Variants in PLA2R1 observed in about 807,000 individuals in gnomAD.
The protein encoded by PLA2R1 is phospholipase A2 receptor 1, also known as secretory phospholipase A2 receptor.
In PLA2R1, 158 loss-of-function variants were observed where a neutral mutation model predicts 195.9. The observed-to-expected ratio is 0.81, with a 90% CI of 0.71 to 0.92. The LOEUF is 0.92. Ranked by LOEUF, PLA2R1 falls within the 40% of genes least tolerant of loss-of-function variation. The pLI, the probability that PLA2R1 is intolerant of heterozygous loss-of-function variation, is 0.00. For missense variants in PLA2R1, 1,626 were observed against 1,764.6 expected (o/e 0.92, Z 1.41); for synonymous variants, 586 against 598.2 (o/e 0.98, Z 0.30).
the PLA2R1 span, among the ~76,000 whole-genome samples, chr2:159,925,298 G>C: frequency 6.6e-6 from 1 of 152,150 alleles, no homozygotes; most frequent in Non-Finnish European, 1.5e-5. Context: ...CTCCATTGTA[G>C]GGGTGCGTAT....
rs756653913 is a variant in PLA2R1 at position 159,976,102 on chromosome 2, T to C, written c.2561A>G (p.His854Arg). ...HSDLLTIHSA[H>R]EQEFIHSKIK... ...TTTGCTGTGGATGAATTCTTGCTCATGTGCAGAATGAATTGTGAGAAGATC... is the reference window on the plus strand; with the variant it reads ...TTTGCTGTGGATGAATTCTTGCTCACGTGCAGAATGAATTGTGAGAAGATC... The change falls in exon 17 of 30, where the codon CAT becomes CGT. Residue 854 changes from histidine to arginine, a missense_variant. Transcript: ENST00000283243. The C allele has an allele frequency of 4.3e-6, 7 of 1,612,916 alleles. No homozygotes were observed. In the East Asian group the frequency reaches 1.1e-4, roughly 26 times the overall value.
At chr2:159,930,833 G>C (rs1686570461), downstream of PLA2R1, among the ~76,000 whole-genome samples, 1 of 152,188 alleles carries the variant, frequency 6.6e-6, no homozygotes, top group African/African-American at 2.4e-5. Flanking sequence ...CTCTGAGCCT[G>C]CTTCCATAGG....
At chr2:159,952,555 A>T (rs1687810243) in intron 23 of PLA2R1, among the ~76,000 whole-genome samples, 1 of 152,204 alleles carries the variant, frequency 6.6e-6, no homozygotes, top group South Asian at 2.1e-4. Flanking sequence ...GGAAAGAAGC[A>T]TGTGAGGTGT....
the PLA2R1 span, among the ~76,000 whole-genome samples, chr2:159,924,818 G>A: frequency 6.6e-6 from 1 of 151,876 alleles, no homozygotes; most frequent in Non-Finnish European, 1.5e-5. Context: ...TTCGCTCCCA[G>A]GAAAAATCTG....
intron 17 of PLA2R1, 21 bp from the exon 18 acceptor site, chr2:159,970,233 A>C: frequency 6.3e-7 from 1 of 1,575,196 alleles, no homozygotes; most frequent in Non-Finnish European, 8.7e-7. Flanking sequence ...AAAAAAAGTC[A>C]GCATTTATTC....
At chr2:159,986,269 G>A (rs1690327717) in intron 12 of PLA2R1, among the ~76,000 whole-genome samples, 1 of 152,104 alleles carries the variant, frequency 6.6e-6, no homozygotes, top group African/African-American at 2.4e-5. Context: ...TGAATTTTCA[G>A]ATTTGGGATG....
At chr2:159,994,203 T>A (rs1691048005) in intron 11 of PLA2R1, among the ~76,000 whole-genome samples, 2 of 151,412 alleles carry the variant, frequency 1.3e-5, no homozygotes, top group South Asian at 2.1e-4. Context: ...AAAATAAAAA[T>A]GCGTATTTTA....
chr2:160,056,771 T>C (rs1695574514), intron 1 of PLA2R1, among the ~76,000 whole-genome samples: 1 of 152,176 alleles, frequency 6.6e-6, no homozygotes, highest in Non-Finnish European at 1.5e-5. Flanking sequence ...AGACTGAACA[T>C]GGCACTTCTA....
intron 25 of PLA2R1, among the ~76,000 whole-genome samples, chr2:159,949,150 G>A (rs578082201): frequency 6.6e-6 from 1 of 152,176 alleles, no homozygotes; most frequent in Non-Finnish European, 1.5e-5. Context: ...CATGCTTGAA[G>A]CCCATGTTTC....
chr2:159,976,075 A>T lies in PLA2R1; in HGVS notation c.2588T>A (p.Ile863Lys), dbSNP rs756726561. The T allele has an allele frequency of 6.2e-7, 1 of 1,610,906 alleles. No homozygotes were observed. Among genetic ancestry groups the T allele is most frequent in the Admixed American group, 1.7e-5 (1 of 59,772 alleles). ...AHEQEFIHSK[I>K]KALSKYGASW... Reference sequence around the variant, plus strand: ...TGAGTTATGTTCAAGTACCGCTTTTATTTTGCTGTGGATGAATTCTTGCTC... The same window carrying T: ...TGAGTTATGTTCAAGTACCGCTTTTTTTTTGCTGTGGATGAATTCTTGCTC... The change falls in exon 17 of 30, where the codon ATA becomes AAA. Residue 863 changes from isoleucine to lysine, a missense_variant. Transcript: ENST00000283243.
At chr2:160,013,707 C>CTGTGTGTGTG (rs1162685609) in intron 9 of PLA2R1, among the ~76,000 whole-genome samples, 1 of 46,028 alleles carries the variant, frequency 2.2e-5, no homozygotes, top group African/African-American at 6.1e-5. Context: ...CTCTCTGTCT[C>CTGTGTGTGTG]TCTCTCTCTC....
chr2:160,048,448 A>T (rs904800487), intron 1 of PLA2R1, among the ~76,000 whole-genome samples: 1 of 152,254 alleles, frequency 6.6e-6, no homozygotes, highest in African/African-American at 2.4e-5. Flanking sequence ...CCATTAAGTT[A>T]TAATAGAATA....
chr2:160,020,572 C>T (rs2715935), intron 7 of PLA2R1, among the ~76,000 whole-genome samples: 110,134 of 151,886 alleles, frequency 0.73, 40,391 homozygotes, highest in East Asian at 0.87. Context: ...GATTAATGGG[C>T]TAATGGATTA....
chr2:160,009,711 T>C (rs1692229474), intron 10 of PLA2R1, among the ~76,000 whole-genome samples: 1 of 31,174 alleles, frequency 3.2e-5, no homozygotes, highest in Admixed American at 2.1e-4. Flanking sequence ...GTTTTACGTA[T>C]ATTTTACCAC....
intron 3 of PLA2R1, among the ~76,000 whole-genome samples, chr2:160,034,881 C>G (rs1165332829): frequency 6.6e-6 from 1 of 152,098 alleles, no homozygotes; most frequent in African/African-American, 2.4e-5. Context: ...CCAGCCTGGG[C>G]AACATGGTGA....
At chr2:159,990,839 G>C (rs1690723726) in intron 11 of PLA2R1, among the ~76,000 whole-genome samples, 1 of 151,966 alleles carries the variant, frequency 6.6e-6, no homozygotes, top group Non-Finnish European at 1.5e-5. Flanking sequence ...AACGTAGTGG[G>C]CTTGCTCCAG....
At chr2:159,979,657 T>C (rs549109972) in intron 14 of PLA2R1, among the ~76,000 whole-genome samples, 173 bp downstream of exon 14, 5 of 152,308 alleles carry the variant, frequency 3.3e-5, no homozygotes, top group Admixed American at 2.6e-4. Flanking sequence ...ACAATATGGC[T>C]AGCAAAGATT....
intron 18 of PLA2R1, 103 bp downstream of exon 18, chr2:159,970,045 G>T: frequency 7.0e-6 from 5 of 717,374 alleles, no homozygotes; most frequent in East Asian, 2.6e-5. Flanking sequence ...ATAAGTTAAT[G>T]TTTGAAGGGT....
chr2:159,982,888 G>T (rs1560174752), intron 13 of PLA2R1, among the ~76,000 whole-genome samples: 1 of 152,118 alleles, frequency 6.6e-6, no homozygotes, highest in Non-Finnish European at 1.5e-5. Context: ...CAGAGTCATG[G>T]AGGTGTGATG....
Sources: gnomAD v4.1 joint callset for allele counts (sites outside exome capture counted in the v4.1 genomes callset) on GRCh38, gnomAD v4.1.1 for gene constraint, MANE v1.5 for transcripts, NCBI Gene and HGNC (gene_info 2026-07-23, HGNC 2026-07-21) for gene names.